The following RBFOX1 variants were observed in gnomAD, a reference collection of about 807,000 sequenced individuals.
RBFOX1 encodes RNA binding fox-1 homolog 1.
In RBFOX1, 8 loss-of-function variants were observed where a neutral mutation model predicts 57.7. That is an observed-to-expected ratio of 0.14 (90% CI 0.08 to 0.25). The LOEUF is 0.25. Ranked by LOEUF, RBFOX1 falls within the 10% of genes least tolerant of loss-of-function variation. The pLI, the probability that RBFOX1 is intolerant of heterozygous loss-of-function variation, is 1.00. For missense variants in RBFOX1, 611 were observed against 548.5 expected (o/e 1.11, Z -1.14); for synonymous variants, 326 against 222.4 (o/e 1.47, Z -4.15).
chr16:6,555,651 G>T (rs1273948945), intron 2 of RBFOX1, among the ~76,000 whole-genome samples: 1 of 152,002 alleles, frequency 6.6e-6, no homozygotes, highest in Non-Finnish European at 1.5e-5. Flanking sequence ...CGTGAGCCAA[G>T]ATCATGCCAC....
intron 3 of RBFOX1, among the ~76,000 whole-genome samples, chr16:6,793,325 G>A (rs1349460799): frequency 3.3e-5 from 5 of 152,132 alleles, no homozygotes; most frequent in Non-Finnish European, 7.4e-5. Context: ...TTTGATTGGA[G>A]AAGTTGAGTT....
rs1321864250 is a variant in RBFOX1 at position 6,707,038 on chromosome 16, C to T, written c.-16+52388C>T. 2.0e-5 allele frequency among the ~76,000 whole-genome samples: 3 copies of T among 152,300 alleles called. No homozygotes were observed. In the East Asian group the frequency reaches 5.8e-4, roughly 29 times the overall value. ...TAGTATATCATCTCTAATGATCCATCAGCCGAGGGATAACCACTGTCATCA... is the reference window on the plus strand; with the variant it reads ...TAGTATATCATCTCTAATGATCCATTAGCCGAGGGATAACCACTGTCATCA... On this transcript the variant is annotated intron_variant, in intron 3 of 15. Transcript: ENST00000550418.
intron 1 of RBFOX1, among the ~76,000 whole-genome samples, chr16:6,130,122 A>G (rs1398042858): frequency 2.0e-5 from 3 of 152,174 alleles, no homozygotes; most frequent in Non-Finnish European, 4.4e-5. Flanking sequence ...GGTCTACCAT[A>G]GGTATATTAA....
chr16:7,188,586 C>G (rs1394017625), intron 4 of RBFOX1, among the ~76,000 whole-genome samples: 1 of 152,158 alleles, frequency 6.6e-6, no homozygotes. Flanking sequence ...ATACTCTAAG[C>G]AATTAAGAGT....
chr16:6,540,440 C>T (rs1430855791), intron 2 of RBFOX1, among the ~76,000 whole-genome samples: 1 of 151,660 alleles, frequency 6.6e-6, no homozygotes, highest in African/African-American at 2.4e-5. Flanking sequence ...GGTAAAACCC[C>T]ATCTCTACTA....
chr16:6,325,758 G>A (rs573230862), intron 2 of RBFOX1, among the ~76,000 whole-genome samples: 1 of 152,296 alleles, frequency 6.6e-6, no homozygotes, highest in Non-Finnish European at 1.5e-5. Flanking sequence ...TCCTACTTTT[G>A]AGAAGCTCCA....
intron 3 of RBFOX1, among the ~76,000 whole-genome samples, chr16:6,657,509 C>A (rs1295790392): frequency 1.3e-5 from 2 of 152,052 alleles, no homozygotes; most frequent in South Asian, 4.1e-4. Flanking sequence ...CTGTGGCAGC[C>A]AGAGTGATTG....
intron 1 of RBFOX1, among the ~76,000 whole-genome samples, chr16:5,275,390 C>G (rs1415291611): frequency 6.6e-6 from 1 of 152,134 alleles, no homozygotes; most frequent in Non-Finnish European, 1.5e-5. Context: ...AGTAGCAGTG[C>G]TATACACCAA....
At position 6,451,810 on chromosome 16, in the gene RBFOX1, T is replaced by G. The variant is rs183233554; in HGVS notation, c.-64+134753T>G. On this transcript the variant is annotated intron_variant, in intron 2 of 15. Coordinates refer to ENST00000550418, the MANE Select transcript of RBFOX1 (RefSeq NM_018723.4). The stretch of plus-strand genomic sequence containing the variant: ...CTCCCGTGACTCCATCCATGACTCC[T>G]TCCTCCCATGACTCCATCCATGGCT... 5.8e-4 allele frequency among the ~76,000 whole-genome samples: 89 copies of G among 152,162 alleles called. 1 individual carries two copies. Among genetic ancestry groups the G allele is most frequent in the Admixed American group, 6.5e-5 (1 of 15,284 alleles).
intron 3 of RBFOX1, among the ~76,000 whole-genome samples, chr16:6,959,581 A>T (rs7185667): frequency 1.3e-5 from 2 of 152,070 alleles, no homozygotes; most frequent in East Asian, 1.9e-4. Context: ...GTCTCCCTCA[A>T]GGCTGAACAG....
rs114878623 is a variant in RBFOX1, at chr16:6,783,808, G to T, written c.-16+129158G>T. On this transcript the variant is annotated intron_variant, in intron 3 of 15. Transcript: ENST00000550418. ...CTTTCATATTGAAGAACTCCCTTCA[G>T]CATTCCTTATAAGACAGATCTAGTG... Among the ~76,000 whole-genome samples, 1,444 of 152,218 alleles carry T rather than the reference G, an allele frequency of 9.5e-3. 16 individuals carry two copies. The highest frequency in any genetic ancestry group is 0.033 in the African/African-American group (1,364 of 41,540).
At chr16:7,498,446 G>A (rs907911556) in intron 4 of RBFOX1, among the ~76,000 whole-genome samples, 1 of 97,746 alleles carries the variant, frequency 1.0e-5, no homozygotes, top group African/African-American at 3.0e-5. Context: ...CATATGTAGT[G>A]GGTTTTTTTT....
chr16:6,999,079 A>C (rs1596481142), intron 3 of RBFOX1, among the ~76,000 whole-genome samples: 1 of 150,610 alleles, frequency 6.6e-6, no homozygotes, highest in African/African-American at 2.4e-5. Context: ...ATGTTGGCCA[A>C]GTTGGTCTTG....
chr16:6,245,921 C>T (rs2097566774), intron 1 of RBFOX1, among the ~76,000 whole-genome samples: 1 of 152,184 alleles, frequency 6.6e-6, no homozygotes, highest in Non-Finnish European at 1.5e-5. Context: ...TAGCTTTAAG[C>T]TCTCTTAAGC....
chr16:7,592,275 G>C (rs1186551145), intron 7 of RBFOX1, among the ~76,000 whole-genome samples: 1 of 152,228 alleles, frequency 6.6e-6, no homozygotes, highest in East Asian at 1.9e-4. Flanking sequence ...GAGAACTTGA[G>C]AATAGATGAG....
intron 2 of RBFOX1, among the ~76,000 whole-genome samples, chr16:6,595,236 C>T (rs979418485): frequency 6.6e-6 from 1 of 152,202 alleles, no homozygotes; most frequent in Non-Finnish European, 1.5e-5. Context: ...CCCTGTAGCC[C>T]TACACAGCCA....
chr16:7,023,428 C>G (rs956580359), intron 3 of RBFOX1, among the ~76,000 whole-genome samples: 5 of 150,788 alleles, frequency 3.3e-5, no homozygotes, highest in African/African-American at 1.2e-4. Context: ...TCATTGAATT[C>G]TAGCCTGGAT....
At chr16:7,373,831 A>T (rs775759759) in intron 4 of RBFOX1, among the ~76,000 whole-genome samples, 1 of 152,228 alleles carries the variant, frequency 6.6e-6, no homozygotes. Context: ...GAAGATGGAC[A>T]CATTCACGTT....
intron 1 of RBFOX1, among the ~76,000 whole-genome samples, chr16:5,360,489 G>A (rs1162891753): frequency 6.6e-6 from 1 of 152,246 alleles, no homozygotes; most frequent in East Asian, 1.9e-4. Context: ...CACAGGTAAT[G>A]GGAGAGAGTG....
Sources: gnomAD v4.1 joint callset for allele counts (sites outside exome capture counted in the v4.1 genomes callset) on GRCh38, gnomAD v4.1.1 for gene constraint, MANE v1.5 for transcripts, NCBI Gene and HGNC (gene_info 2026-07-23, HGNC 2026-07-21) for gene names.